POT1: variants seen among roughly 807,000 people sequenced by gnomAD.
The protein encoded by POT1 is protection of telomeres 1.
Under a neutral mutation model 78.5 loss-of-function variants are expected in POT1, and 47 were observed. The observed-to-expected ratio is 0.60, with a 90% CI of 0.47 to 0.76. The LOEUF (loss-of-function observed/expected upper bound fraction) is 0.76, where lower values mean the gene tolerates loss of function less well. Ranked by LOEUF, POT1 falls within the 30% of genes least tolerant of loss-of-function variation. The pLI, the probability that POT1 is intolerant of heterozygous loss-of-function variation, is 0.00. For synonymous variants in POT1, 259 were observed against 260.7 expected (o/e 0.99, Z 0.06); for missense variants, 646 against 749.9 (o/e 0.86, Z 1.62).
chr7:124,916,393 A>G (rs919304038), intron 2 of POT1, among the ~76,000 whole-genome samples: 3 of 152,184 alleles, frequency 2.0e-5, no homozygotes, highest in African/African-American at 7.2e-5. Context: ...CACTTAAAAG[A>G]TAGAAAGCTG....
intron 3 of POT1, among the ~76,000 whole-genome samples, chr7:124,905,423 G>C (rs979488026): frequency 2.0e-5 from 3 of 152,126 alleles, no homozygotes; most frequent in African/African-American, 7.2e-5. Context: ...AAACTGGCTA[G>C]CCATGTGTAG....
At chr7:124,916,449 T>C (rs1797016621) in intron 2 of POT1, among the ~76,000 whole-genome samples, 1 of 152,104 alleles carries the variant, frequency 6.6e-6, no homozygotes, top group African/African-American at 2.4e-5. Flanking sequence ...TCTCAGAACC[T>C]TTCTTGACCC....
At chr7:124,859,199 G>T in intron 8 of POT1, 87 bp from the exon 9 acceptor site, 1 of 1,004,348 alleles carries the variant, frequency 1.0e-6, no homozygotes, top group East Asian at 2.7e-5. Flanking sequence ...GTATTTAAAA[G>T]TAATTAAACT....
chr7:124,892,278 T>G lies in POT1; in HGVS notation c.112A>C (p.Ser38Arg). 6.5e-7 allele frequency: 1 copy of G among 1,533,342 alleles called. No homozygotes were observed. The highest frequency in any genetic ancestry group is 8.7e-7 in the Non-Finnish European group (1 of 1,145,240). The allele number at this position is 1,533,342 out of a possible 1,614,324, so 95.0% of individuals were successfully genotyped here. A position where few individuals can be genotyped will look rare whatever the true frequency, so the allele number is the denominator to read the frequency against. The change falls in exon 6 of 19, where the codon AGC (serine) becomes CGC (arginine). Residue 38 changes from serine (S) to arginine (R), a missense_variant. Ser to Arg is a moderately radical substitution (Grantham distance 110, BLOSUM62 -1). This residue lies in a region of POT1 where 252 missense variants were observed against 341.4 expected (regional missense o/e 0.74). Transcript: ENST00000357628. ...VVKFFKPPYL[S>R]KGTDYCSVVT... is the part of the protein sequence containing the mutation. The stretch of plus-strand genomic sequence containing the variant: ...TTTTAATACCTACCAGTTCCTTTGC[T>G]TAGATATGGGGGCTTAAAGAACTTC...
intron 9 of POT1, among the ~76,000 whole-genome samples, chr7:124,854,184 T>C (rs1408224410): frequency 6.6e-6 from 1 of 152,000 alleles, no homozygotes; most frequent in Non-Finnish European, 1.5e-5. Flanking sequence ...TCTGCATATA[T>C]ATAATGAGCT....
rs75997144 is a variant in POT1, at chr7:124,847,092, TATAA to T, written c.950-98_950-95del. 966 of 785,226 alleles carry T rather than the reference TATAA, an allele frequency of 1.2e-3. 10 individuals are homozygous for T. In the East Asian group the frequency reaches 0.014, roughly 12 times the overall value. The allele number at this position is 785,226 out of a possible 1,614,324, so 48.6% of individuals were successfully genotyped here. On this transcript the variant is annotated intron_variant, in intron 11 of 18. Transcript: ENST00000357628. Reference sequence around the variant, plus strand: ...CGTTGCTGAGAGAAACTGAAGAAAATATAAATAAATGGTGAGATATGCCACATTC... The same window carrying T: ...CGTTGCTGAGAGAAACTGAAGAAAATATAAATGGTGAGATATGCCACATTC...
chr7:124,847,571 T>G (rs1383544498), intron 11 of POT1, among the ~76,000 whole-genome samples: 2 of 152,288 alleles, frequency 1.3e-5, no homozygotes, highest in East Asian at 1.9e-4. Flanking sequence ...TATGTGGAAG[T>G]GCAGAAAATC....
At chr7:124,858,837 T>G (rs1795509347) in intron 9 of POT1, 120 bp downstream of exon 9, 2 of 564,418 alleles carry the variant, frequency 3.5e-6, no homozygotes, top group Non-Finnish European at 5.5e-6. Flanking sequence ...ATCAAAGAAA[T>G]AAATATAATT....
chr7:124,872,272 C>A (rs1168385393), intron 6 of POT1, among the ~76,000 whole-genome samples: 1 of 152,132 alleles, frequency 6.6e-6, no homozygotes, highest in African/African-American at 2.4e-5. Context: ...AATAAGCCTG[C>A]AATGAACATG....
intron 2 of POT1, among the ~76,000 whole-genome samples, chr7:124,923,294 T>TGA (rs1322854669): frequency 6.6e-6 from 1 of 151,666 alleles, no homozygotes; most frequent in Non-Finnish European, 1.5e-5. Flanking sequence ...TGTTTATGAA[T>TGA]GAGAGATTTA....
At position 124,926,686 on chromosome 7, in the gene POT1, G is replaced by A. The variant is rs76974096; in HGVS notation, c.-227+2129C>T. ...ACAAAGATATGCAATCAACCAAAGT[G>A]TACATCGATGGAGGACTGGATTTAA... is the stretch of plus-strand genomic sequence containing the variant. On this transcript the variant is annotated intron_variant, in intron 2 of 18. Transcript: ENST00000357628. Among the ~76,000 whole-genome samples the A allele has an allele frequency of 6.0e-3, 912 of 152,222 alleles. 5 individuals carry two copies. The highest frequency in any genetic ancestry group is 0.02 in the African/African-American group (851 of 41,536).
At chr7:124,853,711 C>T (rs1795373724) in intron 9 of POT1, among the ~76,000 whole-genome samples, 1 of 110,904 alleles carries the variant, frequency 9.0e-6, no homozygotes, top group Non-Finnish European at 2.0e-5. Context: ...GTGAAACACT[C>T]CTTGAGTTCA....
chr7:124,913,544 A>T (rs1796941928), intron 3 of POT1, among the ~76,000 whole-genome samples: 1 of 152,158 alleles, frequency 6.6e-6, no homozygotes, highest in Non-Finnish European at 1.5e-5. Context: ...CTAACAATCC[A>T]TTGCCAAATC....
chr7:124,899,013 C>A lies in POT1; in HGVS notation c.-153-639G>T, dbSNP rs560619910. On this transcript the variant is annotated intron_variant, in intron 3 of 18. Transcript: ENST00000357628. ...CATATATATTTTTCATTGTCTTACT[C>A]CCTTAATTTTAACAACGAAACCTTA... Among the ~76,000 whole-genome samples the A allele has an allele frequency of 5.9e-5, 9 of 152,252 alleles. No individual in the cohort carries two copies. The East Asian group carries it at 1.5e-3, about 26-fold the overall frequency.
At position 124,919,280 on chromosome 7, in the gene POT1, A is replaced by C. The variant is rs150028581; in HGVS notation, c.-226-3634T>G. 2.5e-3 allele frequency among the ~76,000 whole-genome samples: 375 copies of C among 152,306 alleles called. 1 individual carries two copies. Among genetic ancestry groups the C allele is most frequent in the African/African-American group, 8.8e-3 (366 of 41,572 alleles). On this transcript the variant is annotated intron_variant, in intron 2 of 18. Coordinates refer to ENST00000357628, the MANE Select transcript of POT1 (RefSeq NM_015450.3). ...GGATGGACCACCATCATATATATGCAGTGCAGTGTTGACTGAGATGTTGTA... is the reference window on the plus strand; with the variant it reads ...GGATGGACCACCATCATATATATGCCGTGCAGTGTTGACTGAGATGTTGTA...
chr7:124,906,722 T>A (rs990499589), intron 3 of POT1, among the ~76,000 whole-genome samples: 1 of 152,128 alleles, frequency 6.6e-6, no homozygotes. Context: ...CTGTTCATAG[T>A]GTTCAACAAA....
intron 12 of POT1, 54 bp from the exon 13 acceptor site, chr7:124,843,017 G>A (rs1338083744): frequency 8.0e-7 from 1 of 1,246,120 alleles, no homozygotes; most frequent in Non-Finnish European, 1.1e-6. Flanking sequence ...TTTATGACAT[G>A]CATCCTCCTG....
chr7:124,913,276 CTTT>C lies in POT1; in HGVS notation c.-154+2295_-154+2297del, dbSNP rs1367223189. 3.9e-5 allele frequency among the ~76,000 whole-genome samples: 6 copies of C among 152,272 alleles called. No individual in the cohort carries two copies. In the South Asian group the frequency reaches 1.2e-3, roughly 32 times the overall value. On this transcript the variant is annotated intron_variant, in intron 3 of 18. Transcript: ENST00000357628. ...AACAACCATCAGTATTGTATTTCTT[CTTT>C]GAGGATACACTAAATCAAATCACCT...
chr7:124,887,448 G>A (rs955506136), intron 6 of POT1, among the ~76,000 whole-genome samples: 14 of 151,968 alleles, frequency 9.2e-5, no homozygotes, highest in Admixed American at 3.3e-4. Context: ...AATAAAATAT[G>A]CTGACCACAA....
Sources: allele counts gnomAD v4.1 joint callset (sites outside exome capture counted in the v4.1 genomes callset), GRCh38; gene constraint gnomAD v4.1.1; regional missense constraint gnomAD v4.1.1; transcripts MANE v1.5; gene names NCBI Gene and HGNC (gene_info 2026-07-23, HGNC 2026-07-21).